DCC: variants seen among roughly 807,000 people sequenced by gnomAD.
The protein encoded by DCC is netrin receptor DCC.
Under a neutral mutation model 172.5 loss-of-function variants are expected in DCC, and 58 were observed. The ratio of observed to expected loss-of-function variants is 0.34; its 90% CI spans 0.27 to 0.42. The LOEUF is 0.42. DCC is among the 10% of genes least tolerant of loss of function. The pLI, the probability that DCC is intolerant of heterozygous loss-of-function variation, is 1.00. For missense variants in DCC, 1,740 were observed against 1,791.0 expected (o/e 0.97, Z 0.51); for synonymous variants, 709 against 644.5 (o/e 1.10, Z -1.52).
chr18:53,239,225 A>G (rs1158608991), intron 12 of DCC, among the ~76,000 whole-genome samples: 1 of 149,654 alleles, frequency 6.7e-6, no homozygotes, highest in Non-Finnish European at 1.5e-5. Context: ...AAAAATAAAA[A>G]TGAAAAAAAA....
At chr18:53,147,002 T>C (rs936128532) in intron 7 of DCC, among the ~76,000 whole-genome samples, 2 of 152,134 alleles carry the variant, frequency 1.3e-5, no homozygotes, top group Non-Finnish European at 2.9e-5. Flanking sequence ...TTGTTCTATT[T>C]AGAGTGACCA....
At chr18:53,335,016 G>T (rs1345915711) in intron 14 of DCC, among the ~76,000 whole-genome samples, 1 of 152,126 alleles carries the variant, frequency 6.6e-6, no homozygotes, top group East Asian at 1.9e-4. Flanking sequence ...CCCTTATATG[G>T]TTTCTTTATA....
chr18:52,923,687 A>G lies in DCC; in HGVS notation c.698-20A>G, dbSNP rs1414636484. 1.1e-5 allele frequency: 18 copies of G among 1,566,850 alleles called. No individual in the cohort carries two copies. The highest frequency in any genetic ancestry group is 1.4e-5 in the Non-Finnish European group (16 of 1,137,408). On this transcript the variant is annotated intron_variant, in intron 3 of 28. Transcript: ENST00000442544. ...CAATGTTTTTCATATATCATATGAT[A>G]CTGTGTTTTCCCCTCATAGATCCAG...
intron 9 of DCC, among the ~76,000 whole-genome samples, chr18:53,189,626 AGT>A (rs1018538121): frequency 2.0e-5 from 3 of 152,190 alleles, no homozygotes; most frequent in Non-Finnish European, 2.9e-5. Context: ...AGACATCCCT[AGT>A]GTCCTTAAAA....
intron 1 of DCC, among the ~76,000 whole-genome samples, chr18:52,541,905 A>ATATATATATGTATATATC: frequency 6.9e-6 from 1 of 144,802 alleles, no homozygotes; most frequent in Non-Finnish European, 1.5e-5. Context: ...ATGTGTATAT[A>ATATATATATGTATATATC]TATATGTACA....
chr18:52,885,092 T>TG (rs769778158), intron 2 of DCC, among the ~76,000 whole-genome samples: 1 of 152,120 alleles, frequency 6.6e-6, no homozygotes, highest in Non-Finnish European at 1.5e-5. Flanking sequence ...ACTAGGAATG[T>TG]GCTGGTTCAG....
At chr18:52,396,526 T>G (rs1349730642) in intron 1 of DCC, among the ~76,000 whole-genome samples, 2 of 152,034 alleles carry the variant, frequency 1.3e-5, no homozygotes, top group African/African-American at 4.8e-5. Flanking sequence ...AAAGTCGCCC[T>G]GTGATTTAGT....
chr18:52,966,755 A>G (rs2040938300), intron 5 of DCC, among the ~76,000 whole-genome samples: 1 of 152,142 alleles, frequency 6.6e-6, no homozygotes, highest in South Asian at 2.1e-4. Context: ...CTTCAGGCCT[A>G]TCAGTGGTCA....
At chr18:52,470,730 G>C (rs1384498436) in intron 1 of DCC, among the ~76,000 whole-genome samples, 1 of 152,140 alleles carries the variant, frequency 6.6e-6, no homozygotes, top group Non-Finnish European at 1.5e-5. Context: ...TCCCTAATGG[G>C]AAACAAAGTA....
intron 1 of DCC, among the ~76,000 whole-genome samples, chr18:52,466,877 T>C (rs910901783): frequency 1.3e-5 from 2 of 152,120 alleles, no homozygotes; most frequent in Admixed American, 1.3e-4. Context: ...ATAATTTGCC[T>C]TTATTATTAT....
intron 15 of DCC, among the ~76,000 whole-genome samples, chr18:53,343,832 A>G (rs888366218): frequency 6.6e-6 from 1 of 152,028 alleles, no homozygotes; most frequent in African/African-American, 2.4e-5. Context: ...AATTTTTTAT[A>G]CAGATATAGG....
chr18:52,656,050 GTATATATGTGTA>G (rs1486282682), intron 1 of DCC, among the ~76,000 whole-genome samples: 47 of 140,506 alleles, frequency 3.3e-4, no homozygotes, highest in African/African-American at 1.1e-3. Flanking sequence ...GTATATATAT[GTATATATGTGTA>G]TATATATGTG....
At chr18:53,372,289 A>G (rs1331176408) in intron 15 of DCC, among the ~76,000 whole-genome samples, 2 of 152,116 alleles carry the variant, frequency 1.3e-5, no homozygotes, top group Non-Finnish European at 2.9e-5. Context: ...TGCAGCCATA[A>G]AAAAGAATGA....
intron 13 of DCC, among the ~76,000 whole-genome samples, chr18:53,310,339 A>T (rs1405236624): frequency 6.6e-6 from 1 of 152,160 alleles, no homozygotes; most frequent in East Asian, 1.9e-4. Flanking sequence ...TGCCTATAAG[A>T]TACATGGATT....
At chr18:52,344,059 C>T (rs1983775588) in intron 1 of DCC, among the ~76,000 whole-genome samples, 1 of 152,234 alleles carries the variant, frequency 6.6e-6, no homozygotes, top group African/African-American at 2.4e-5. Context: ...AGTGCCTTTG[C>T]TTTAATGCTC....
chr18:52,640,362 C>A (rs960461681), intron 1 of DCC, among the ~76,000 whole-genome samples: 1 of 152,034 alleles, frequency 6.6e-6, no homozygotes, highest in Admixed American at 6.5e-5. Flanking sequence ...CTAGCCAGAA[C>A]AATCAGACAA....
At chr18:52,660,542 T>C (rs986631354) in intron 1 of DCC, among the ~76,000 whole-genome samples, 1 of 152,032 alleles carries the variant, frequency 6.6e-6, no homozygotes, top group Admixed American at 6.6e-5. Flanking sequence ...TCTGAGGGAG[T>C]AGAGTCCCCT....
At chr18:53,015,449 T>C (rs1309596741) in intron 5 of DCC, among the ~76,000 whole-genome samples, 3 of 152,184 alleles carry the variant, frequency 2.0e-5, no homozygotes, top group Non-Finnish European at 2.9e-5. Context: ...GTTTCTGATG[T>C]AGACTAACCT....
chr18:52,392,057 G>T (rs1029510856), intron 1 of DCC, among the ~76,000 whole-genome samples: 2 of 152,130 alleles, frequency 1.3e-5, no homozygotes, highest in South Asian at 2.1e-4. Flanking sequence ...GTTATGAGGC[G>T]CACAGATTGC....
Sources: gnomAD v4.1 joint callset for allele counts (sites outside exome capture counted in the v4.1 genomes callset) on GRCh38, gnomAD v4.1.1 for gene constraint, MANE v1.5 for transcripts, NCBI Gene and HGNC (gene_info 2026-07-23, HGNC 2026-07-21) for gene names.